Variants in LPIN1 observed in about 807,000 individuals in gnomAD.
LPIN1 encodes the protein lipin 1, also known as phosphatidate phosphatase LPIN1.
In LPIN1, 71 loss-of-function variants were observed where a neutral mutation model predicts 107.5. The observed-to-expected ratio is 0.66, with a 90% CI of 0.55 to 0.80. The LOEUF (loss-of-function observed/expected upper bound fraction) is 0.80. Among genes scored for constraint, LPIN1 ranks in the 30% least tolerant of loss-of-function variants. The pLI, the probability that LPIN1 is intolerant of heterozygous loss-of-function variation, is 0.00. For synonymous variants in LPIN1, 445 were observed against 452.6 expected, an observed-to-expected ratio of 0.98 and a Z score of 0.21; for missense variants, 1,043 against 1,160.6, an observed-to-expected ratio of 0.90 and a Z score of 1.47.
intron 1 of LPIN1, among the ~76,000 whole-genome samples, chr2:11,747,578 C>A (rs1476846689): frequency 2.6e-5 from 4 of 152,038 alleles, no homozygotes; most frequent in East Asian, 3.9e-4. Flanking sequence ...AGCTTGTAGC[C>A]GTTTTTTTAA....
intron 1 of LPIN1, among the ~76,000 whole-genome samples, chr2:11,689,107 C>G (rs1254509293): frequency 6.6e-6 from 1 of 152,148 alleles, no homozygotes; most frequent in Non-Finnish European, 1.5e-5. Context: ...GAACAATGTC[C>G]AGGTTGATTA....
At chr2:11,700,066 A>G (rs1429865611) in intron 1 of LPIN1, among the ~76,000 whole-genome samples, 2 of 152,198 alleles carry the variant, frequency 1.3e-5, no homozygotes, top group Non-Finnish European at 2.9e-5. Context: ...TAGGCAGAGG[A>G]AGCTGCCTGG....
chr2:11,774,824 C>T lies in LPIN1; in HGVS notation c.722+1079C>T, dbSNP rs1403633720. 1.3e-5 allele frequency among the ~76,000 whole-genome samples: 2 copies of T among 152,136 alleles called. No individual in the cohort carries two copies. The highest frequency in any genetic ancestry group is 4.8e-5 in the African/African-American group (2 of 41,416). On this transcript the variant is annotated intron_variant, in intron 5 of 20. Transcript: ENST00000674199. The surrounding 1 kb of genome is among the most constrained non-coding windows in gnomAD (Gnocchi z 4.4). ...GCCAATACTGATGTCGCGGGTTAGT[C>T]CAGCAGGCTGAGGCTGAGGCCTGTG... is the stretch of plus-strand genomic sequence containing the variant.
At chr2:11,748,148 C>T (rs1272442264) in intron 1 of LPIN1, among the ~76,000 whole-genome samples, 1 of 152,198 alleles carries the variant, frequency 6.6e-6, no homozygotes, top group Non-Finnish European at 1.5e-5. Flanking sequence ...TTGGAAGTGA[C>T]TGAGAAGGAG....
Position 11,802,990 on chromosome 2 carries a change from A to T in LPIN1, c.1970A>T (p.Asn657Ile), listed in dbSNP as rs528101763. The T allele has an allele frequency of 1.2e-6, 2 of 1,613,126 alleles. No individual in the cohort carries two copies. Among genetic ancestry groups the T allele is most frequent in the Non-Finnish European group, 1.7e-6 (2 of 1,180,024 alleles). Residue 657 changes from asparagine to isoleucine, a missense_variant, in exon 15 of 21, where the codon AAT becomes ATT. By Grantham distance (149) the Asn-to-Ile change is moderately radical. Coordinates refer to ENST00000674199, the MANE Select transcript of LPIN1 (RefSeq NM_001349206.2). Reference protein sequence around the residue: ...SNAGHLPLLPNVSYKKTLRLT... With the variant: ...SNAGHLPLLPIVSYKKTLRLT... ...GCAGGCCACCTCCCTCTTCTGCCTA[A>T]TGTCAGCTACAAGAAGACTCTCCGG...
At chr2:11,787,598 C>G (rs546254702) in intron 11 of LPIN1, among the ~76,000 whole-genome samples, 1 of 152,036 alleles carries the variant, frequency 6.6e-6, no homozygotes, top group Admixed American at 6.5e-5. Context: ...TAGTCACACT[C>G]TGCAGTACAT....
chr2:11,761,837 A>G (rs1448930178), intron 1 of LPIN1, among the ~76,000 whole-genome samples: 1 of 152,202 alleles, frequency 6.6e-6, no homozygotes, highest in African/African-American at 2.4e-5. Context: ...CAAACAAACC[A>G]TACAATTTCC....
chr2:11,743,785 C>T (rs189244117), upstream of LPIN1, among the ~76,000 whole-genome samples: 5 of 152,242 alleles, frequency 3.3e-5, no homozygotes, highest in African/African-American at 9.6e-5. The surrounding 1 kb of genome is among the most constrained non-coding windows in gnomAD (Gnocchi z 4.7). Flanking sequence ...TACAGTAGCT[C>T]GCAGGGCACC....
rs769031892 is a variant in LPIN1 at position 11,803,223 on chromosome 2, G to A, written c.2013+190G>A. Among the ~76,000 whole-genome samples the A allele has an allele frequency of 2.0e-5, 3 of 152,166 alleles. No individual in the cohort carries two copies. Among genetic ancestry groups the A allele is most frequent in the Non-Finnish European group, 2.9e-5 (2 of 68,030 alleles). ...ACTATCCAGGCTGGGTCCCCAATAT[G>A]ACCTTGCCTTTTGTCTTCTCCTTTT... On this transcript the variant is annotated intron_variant, in intron 15 of 20. Coordinates refer to ENST00000674199, the MANE Select transcript of LPIN1 (RefSeq NM_001349206.2). The surrounding 1 kb of genome is among the most constrained non-coding windows in gnomAD (Gnocchi z 4.2).
rs554731104 is a variant in LPIN1 at position 11,786,337 on chromosome 2, A to C, written c.1550-737A>C. On this transcript the variant is annotated intron_variant, in intron 10 of 20. Transcript: ENST00000674199. The surrounding 1 kb of genome is among the most constrained non-coding windows in gnomAD (Gnocchi z 4.1). ...TTCGGTTCGGTTCAGGGTAAATAGG[A>C]GCTCCCAGGGAAGGAGTGGGCGTGG... Among the ~76,000 whole-genome samples, 1 of 152,096 alleles carries C rather than the reference A, an allele frequency of 6.6e-6. No homozygotes were observed. Among genetic ancestry groups the C allele is most frequent in the South Asian group, 2.1e-4 (1 of 4,820 alleles).
chr2:11,799,210 C>T (rs949091188), intron 14 of LPIN1, among the ~76,000 whole-genome samples: 2 of 152,138 alleles, frequency 1.3e-5, no homozygotes, highest in Admixed American at 1.3e-4. Flanking sequence ...GTTTTCCTTT[C>T]TGTGTTCCTT....
chr2:11,814,522 G>GCA (rs1485843757), intron 17 of LPIN1, among the ~76,000 whole-genome samples: 2 of 151,536 alleles, frequency 1.3e-5, no homozygotes, highest in African/African-American at 4.9e-5. Context: ...ATGTGTGTGT[G>GCA]TGTGTGTGTG....
Position 11,765,496 on chromosome 2 carries a change from G to T in LPIN1, c.-9-37G>T, listed in dbSNP as rs778011719. ...TGATTGGCTCTTCCTTGGATTAATT[G>T]TGTGTCTGTGTGTGTTTTTTTTTGT... On this transcript the variant is annotated intron_variant, in intron 1 of 20. Transcript: ENST00000674199. The surrounding 1 kb of genome is among the most constrained non-coding windows in gnomAD (Gnocchi z 4.4). 6.4e-7 allele frequency: 1 copy of T among 1,554,546 alleles called. No individual in the cohort carries two copies. The highest frequency in any genetic ancestry group is 1.1e-5 in the South Asian group (1 of 88,004).
chr2:11,734,333 A>G (rs62113297), intron 1 of LPIN1, among the ~76,000 whole-genome samples: 26,269 of 152,180 alleles, frequency 0.17, 2,542 homozygotes, highest in African/African-American at 0.26. Flanking sequence ...TTGAGAACAC[A>G]TAGGATGAGG....
At chr2:11,770,877 C>T (rs11890442) in intron 3 of LPIN1, among the ~76,000 whole-genome samples, 47,644 of 152,020 alleles carry the variant, frequency 0.31, 10,458 homozygotes, top group African/African-American at 0.62. Context: ...GGTTGTTTTA[C>T]GTGTTTTTGG....
intron 2 of LPIN1, among the ~76,000 whole-genome samples, chr2:11,713,964 C>T (rs745656053): frequency 2.0e-5 from 3 of 152,308 alleles, no homozygotes; most frequent in East Asian, 1.9e-4. Flanking sequence ...AGAGATTGCC[C>T]GCAGCACTTG....
At chr2:11,755,267 A>G (rs1168564251) in intron 1 of LPIN1, among the ~76,000 whole-genome samples, 4 of 151,862 alleles carry the variant, frequency 2.6e-5, no homozygotes, top group African/African-American at 9.7e-5. Flanking sequence ...GCGCCCGGCC[A>G]TTTCTTCTCA....
intron 1 of LPIN1, among the ~76,000 whole-genome samples, chr2:11,752,010 G>A (rs1667871509): frequency 6.6e-6 from 1 of 152,150 alleles, no homozygotes; most frequent in Non-Finnish European, 1.5e-5. Context: ...ATTTTACAAT[G>A]TGGATGGCCC....
intron 1 of LPIN1, among the ~76,000 whole-genome samples, chr2:11,749,878 AACTTAAAATTT>A (rs1667528619): frequency 6.6e-6 from 1 of 152,242 alleles, no homozygotes; most frequent in Non-Finnish European, 1.5e-5. Flanking sequence ...TTCTTGCAAC[AACTTAAAATTT>A]TCGGCTGATG....
Sources: allele counts gnomAD v4.1 joint callset (sites outside exome capture counted in the v4.1 genomes callset), GRCh38; gene constraint gnomAD v4.1.1; non-coding constraint Gnocchi (gnomAD v3.1); transcripts MANE v1.5; gene names NCBI Gene and HGNC (gene_info 2026-07-23, HGNC 2026-07-21).